Variants in CFH observed in about 807,000 individuals in gnomAD.
CFH encodes the protein H factor 1 (complement).
Under a neutral mutation model 147.3 loss-of-function variants are expected in CFH, and 53 were observed. The ratio of observed to expected loss-of-function variants is 0.36; its 90% CI spans 0.29 to 0.45. The LOEUF (loss-of-function observed/expected upper bound fraction) is 0.45, where lower values mean the gene tolerates loss of function less well. Among genes scored for constraint, CFH ranks in the 20% least tolerant of loss-of-function variants. The pLI is 1.00. For missense variants in CFH, 1,380 were observed against 1,498.0 expected, an observed-to-expected ratio of 0.92 and a Z score of 1.30; for synonymous variants, 536 against 489.4, an observed-to-expected ratio of 1.10 and a Z score of -1.26.
At chr1:196,693,793 T>C (rs1159787392) in intron 9 of CFH, among the ~76,000 whole-genome samples, 1 of 152,138 alleles carries the variant, frequency 6.6e-6, no homozygotes, top group African/African-American at 2.4e-5. Context: ...CATTATATCA[T>C]GTATCACGGT....
chr1:196,725,352 T>A, intron 12 of CFH, 55 bp downstream of exon 12: 1 of 1,553,782 alleles, frequency 6.4e-7, no homozygotes, highest in South Asian at 1.1e-5. Context: ...GAATACCAAC[T>A]TTTTTCTTAT....
chr1:196,693,007 C>T (rs1474439649), intron 9 of CFH, among the ~76,000 whole-genome samples: 1 of 150,922 alleles, frequency 6.6e-6, no homozygotes, highest in Non-Finnish European at 1.5e-5. Context: ...TCATGCTAGA[C>T]CCTGTACTTT....
At chr1:196,689,906 C>T (rs1011875200) in intron 8 of CFH, among the ~76,000 whole-genome samples, 157 bp from the exon 9 acceptor site, 2 of 151,596 alleles carry the variant, frequency 1.3e-5, no homozygotes, top group African/African-American at 4.8e-5. Context: ...TTTGTGCAAA[C>T]CTTTGTTAGT....
chr1:196,684,836 G>A (rs1667770266), intron 6 of CFH, among the ~76,000 whole-genome samples: 1 of 152,006 alleles, frequency 6.6e-6, no homozygotes, highest in Admixed American at 6.6e-5. Flanking sequence ...GATGACTTTG[G>A]AGAAGAAGGG....
chr1:196,680,328 A>C (rs1224542235), intron 6 of CFH, among the ~76,000 whole-genome samples: 1 of 150,714 alleles, frequency 6.6e-6, no homozygotes, highest in African/African-American at 2.4e-5. Flanking sequence ...AAAAAAAAAA[A>C]CCTCTCAACT....
At chr1:196,701,248 T>C (rs1668439906) in intron 9 of CFH, 1 of 1,609,122 alleles carries the variant, frequency 6.2e-7, no homozygotes, top group African/African-American at 1.3e-5. Context: ...CAGTTAGTCC[T>C]GAAGGAGTTG....
At chr1:196,722,042 T>A (rs1220778007) in intron 11 of CFH, among the ~76,000 whole-genome samples, 1 of 152,080 alleles carries the variant, frequency 6.6e-6, no homozygotes, top group Non-Finnish European at 1.5e-5. Context: ...TCTATTTATG[T>A]TAAAAGTTAA....
chr1:196,725,846 C>G (rs989218590), intron 12 of CFH, among the ~76,000 whole-genome samples: 1 of 152,158 alleles, frequency 6.6e-6, no homozygotes. Context: ...GAGATCCATA[C>G]CCATGATCCA....
intron 4 of CFH, among the ~76,000 whole-genome samples, chr1:196,676,432 G>A (rs1667455106): frequency 1.3e-5 from 2 of 151,878 alleles, no homozygotes; most frequent in Admixed American, 1.3e-4. Context: ...CCAAATGCAG[G>A]GATCTATGGT....
chr1:196,692,567 CTTT>C (rs1449717061), intron 9 of CFH, among the ~76,000 whole-genome samples: 1 of 127,632 alleles, frequency 7.8e-6, no homozygotes, highest in Non-Finnish European at 1.6e-5. Context: ...TTTCTTCTTT[CTTT>C]CTTTTTCTTT....
chr1:196,737,971 A>C (rs1207333613), intron 17 of CFH, among the ~76,000 whole-genome samples: 1 of 152,144 alleles, frequency 6.6e-6, no homozygotes, highest in African/African-American at 2.4e-5. Context: ...AAAAAGGTTT[A>C]ATTGGCTCAC....
At chr1:196,737,728 A>G (rs1336830300) in intron 17 of CFH, 68 bp downstream of exon 17, 5 of 1,302,384 alleles carry the variant, frequency 3.8e-6, no homozygotes, top group Non-Finnish European at 5.5e-6. Flanking sequence ...CTTGTTATCA[A>G]AGTGAGGGGA....
intron 5 of CFH, chr1:196,678,369 G>T (rs1162337362): frequency 3.9e-5 from 6 of 151,966 alleles, no homozygotes; most frequent in Admixed American, 3.3e-4. Flanking sequence ...CATCGTGGTT[G>T]ATTTGTTTAG....
At chr1:196,676,365 T>A (rs1226652546) in intron 4 of CFH, among the ~76,000 whole-genome samples, 1 of 152,084 alleles carries the variant, frequency 6.6e-6, no homozygotes, top group Non-Finnish European at 1.5e-5. Flanking sequence ...CATCATTAGC[T>A]AAATAAAGAC....
At chr1:196,652,947 C>T (rs1370843203) in intron 1 of CFH, among the ~76,000 whole-genome samples, 3 of 151,652 alleles carry the variant, frequency 2.0e-5, no homozygotes, top group African/African-American at 7.3e-5. Context: ...GGTTTGCTTT[C>T]CTAGTTTTTG....
chr1:196,656,165 G>A (rs745937086), intron 1 of CFH, among the ~76,000 whole-genome samples: 2 of 151,978 alleles, frequency 1.3e-5, no homozygotes, highest in African/African-American at 2.4e-5. Context: ...TTAGCCAGGC[G>A]TGGTGGCGCG....
chr1:196,720,672 T>C (rs1668977511), intron 11 of CFH, among the ~76,000 whole-genome samples: 1 of 151,960 alleles, frequency 6.6e-6, no homozygotes, highest in Admixed American at 6.6e-5. Context: ...CTATGGCATA[T>C]ATCTATACCA....
chr1:196,654,555 A>G (rs919632040), intron 1 of CFH, among the ~76,000 whole-genome samples: 1 of 152,134 alleles, frequency 6.6e-6, no homozygotes, highest in Non-Finnish European at 1.5e-5. Context: ...ACCTTTTTGA[A>G]ATATAGTATG....
At chr1:196,723,982 G>C (rs751512430) in intron 11 of CFH, among the ~76,000 whole-genome samples, 1 of 152,006 alleles carries the variant, frequency 6.6e-6, no homozygotes, top group Admixed American at 6.6e-5. Context: ...GGACCATTGG[G>C]CTCCTGGGAT....
Sources: gnomAD v4.1 joint callset for allele counts (sites outside exome capture counted in the v4.1 genomes callset) on GRCh38, gnomAD v4.1.1 for gene constraint, MANE v1.5 for transcripts, NCBI Gene and HGNC (gene_info 2026-07-23, HGNC 2026-07-21) for gene names.